The following SDK1 variants were observed in gnomAD, a reference collection of about 807,000 sequenced individuals.
The protein encoded by SDK1 is protein sidekick-1.
In SDK1, 157 loss-of-function variants were observed where a neutral mutation model predicts 245.5. The observed-to-expected ratio is 0.64, with a 90% confidence interval of 0.56 to 0.73. The LOEUF is 0.73. SDK1 is among the 30% of genes least tolerant of loss of function. The pLI is 0.00. For synonymous variants in SDK1, 1,647 were observed against 1,278.5 expected (o/e 1.29, Z -6.15); for missense variants, 3,583 against 3,002.3 (o/e 1.19, Z -4.52).
intron 19 of SDK1, among the ~76,000 whole-genome samples, chr7:4,060,324 A>C (rs1779457345): frequency 6.6e-6 from 1 of 152,234 alleles, no homozygotes; most frequent in African/African-American, 2.4e-5. Context: ...ATACACCTCA[A>C]GGACAAACCA....
chr7:3,912,040 G>T (rs998796893), intron 5 of SDK1, among the ~76,000 whole-genome samples: 2 of 152,134 alleles, frequency 1.3e-5, no homozygotes, highest in Non-Finnish European at 2.9e-5. Flanking sequence ...GGGCAAGGGG[G>T]CCCTGTTCAC....
At position 3,578,589 on chromosome 7, in the gene SDK1, C is replaced by T. The variant is rs185786355; in HGVS notation, c.299-40491C>T. 1.4e-3 allele frequency among the ~76,000 whole-genome samples: 217 copies of T among 152,014 alleles called. 1 individual carries two copies. Among genetic ancestry groups the T allele is most frequent in the Non-Finnish European group, 2.6e-3 (178 of 67,924 alleles). On this transcript the variant is annotated intron_variant, in intron 1 of 44. Coordinates refer to ENST00000404826, the MANE Select transcript of SDK1 (RefSeq NM_152744.4). ...CAGTCCTTATCTCAACCGCATAAGA[C>T]AGACACTCCCACAGCAGCCGTTTAT...
intron 5 of SDK1, among the ~76,000 whole-genome samples, chr7:3,855,652 G>A (rs1780527805): frequency 6.6e-6 from 1 of 152,222 alleles, no homozygotes; most frequent in Non-Finnish European, 1.5e-5. Context: ...GAATGTGGGG[G>A]AGGTAATGTA....
chr7:3,398,036 A>C (rs1778771536), intron 1 of SDK1, among the ~76,000 whole-genome samples: 1 of 152,070 alleles, frequency 6.6e-6, no homozygotes, highest in Non-Finnish European at 1.5e-5. Flanking sequence ...AGTAGTAAAT[A>C]GGTCTTCAGT....
At position 3,974,414 on chromosome 7, in the gene SDK1, G is replaced by A. The variant is rs375345968; in HGVS notation, c.1863G>A (p.Thr621=). 5.5e-5 allele frequency: 89 copies of A among 1,614,026 alleles called. No individual in the cohort carries two copies. The highest frequency in any genetic ancestry group is 8.8e-5 in the South Asian group (8 of 91,082). Residue 621 remains threonine, a synonymous_variant, in exon 13 of 45, where the codon ACG becomes ACA. Coordinates refer to ENST00000404826, the MANE Select transcript of SDK1 (RefSeq NM_152744.4). ...ACGTGGCCCTGACTCCATCGAGCACGTCTAGGATCGTGGTGGAGAAGGACG... is the reference window on the plus strand; with the variant it reads ...ACGTGGCCCTGACTCCATCGAGCACATCTAGGATCGTGGTGGAGAAGGACG... ...KDNVALTPSS[T]SRIVVEKDGS... is the part of the protein sequence containing the mutation.
chr7:3,691,454 C>T (rs146258551), intron 4 of SDK1, among the ~76,000 whole-genome samples: 101 of 152,294 alleles, frequency 6.6e-4, no homozygotes, highest in Middle Eastern at 6.8e-3. Context: ...TAGCACTTTG[C>T]TTCCGTTACA....
At position 4,268,705 on chromosome 7, in the gene SDK1, G is replaced by T. The variant is rs778688730; in HGVS notation, c.*3321G>T. 4 of 1,367,726 alleles carry T rather than the reference G, an allele frequency of 2.9e-6. No homozygotes were observed. The African/African-American group carries it at 5.9e-5, about 20-fold the overall frequency. The allele number at this position is 1,367,726 out of a possible 1,614,324, so 84.7% of individuals were successfully genotyped here. A position where few individuals can be genotyped will look rare whatever the true frequency, so the allele number is the denominator to read the frequency against. ...TAGCTATCCTCCTGACGAGCAACCC[G>T]TCTGCGTACCTAAGTGTGGCTCCCC... On this transcript the variant is annotated 3_prime_UTR_variant, in exon 45 of 45. Coordinates refer to ENST00000404826, the MANE Select transcript of SDK1 (RefSeq NM_152744.4).
chr7:3,713,553 A>T (rs1173989744), intron 4 of SDK1, among the ~76,000 whole-genome samples: 1 of 152,186 alleles, frequency 6.6e-6, no homozygotes, highest in African/African-American at 2.4e-5. Context: ...CCATTGAATT[A>T]GGCCTGGTCT....
At chr7:3,723,658 T>TTGTGTGTGTGTGTGTGTGTGTG (rs139688945) in intron 4 of SDK1, among the ~76,000 whole-genome samples, 1 of 134,112 alleles carries the variant, frequency 7.5e-6, no homozygotes, top group African/African-American at 3.0e-5. Flanking sequence ...TAAGTAAAAG[T>TTGTGTGTGTGTGTGTGTGTGTG]TGTGTGTGTG....
intron 1 of SDK1, among the ~76,000 whole-genome samples, chr7:3,598,314 T>C (rs139601789): frequency 0.012 from 1,762 of 152,342 alleles, 31 homozygotes; most frequent in South Asian, 0.068. Context: ...TTGCAAGATA[T>C]GCATTATCAG....
At chr7:3,486,086 T>G (rs1033519876) in intron 1 of SDK1, among the ~76,000 whole-genome samples, 5 of 152,022 alleles carry the variant, frequency 3.3e-5, no homozygotes, top group Non-Finnish European at 7.4e-5. Flanking sequence ...AGTGCTTTTT[T>G]CCCCCCTGAG....
At chr7:3,789,354 G>A (rs1781010749) in intron 4 of SDK1, among the ~76,000 whole-genome samples, 1 of 152,048 alleles carries the variant, frequency 6.6e-6, no homozygotes, top group African/African-American at 2.4e-5. Context: ...CTCCATGTTG[G>A]TCAGGCTGGT....
intron 12 of SDK1, among the ~76,000 whole-genome samples, chr7:3,973,681 G>A (rs1782667911): frequency 6.6e-6 from 1 of 151,984 alleles, no homozygotes; most frequent in Non-Finnish European, 1.5e-5. Flanking sequence ...TACCGGGGCA[G>A]GAATGTTGGG....
chr7:3,797,398 A>T (rs943165887), intron 4 of SDK1, among the ~76,000 whole-genome samples: 1 of 146,462 alleles, frequency 6.8e-6, no homozygotes, highest in Non-Finnish European at 1.5e-5. Context: ...ATATTTTCTT[A>T]TTTTTCTGTA....
chr7:4,063,372 T>G (rs1779665245), intron 19 of SDK1, among the ~76,000 whole-genome samples: 1 of 151,700 alleles, frequency 6.6e-6, no homozygotes, highest in Non-Finnish European at 1.5e-5. Context: ...GAAAAACATA[T>G]CTAGGAATTA....
rs534260327 is a variant in SDK1 at position 4,161,480 on chromosome 7, C to A, written c.4730-306C>A. ...AAGACCTGAGCCCTGCAGGGAGGGT[C>A]TCGAGCCAGAGAGCTCCAGGACAGC... is the stretch of plus-strand genomic sequence containing the variant. On this transcript the variant is annotated intron_variant, in intron 31 of 44. Coordinates refer to ENST00000404826, the MANE Select transcript of SDK1 (RefSeq NM_152744.4). Among the ~76,000 whole-genome samples, 3 of 152,272 alleles carry A rather than the reference C, an allele frequency of 2.0e-5. No homozygotes were observed. In the East Asian group the frequency reaches 5.8e-4, roughly 29 times the overall value.
chr7:4,177,504 C>G (rs1424926151), intron 34 of SDK1, among the ~76,000 whole-genome samples: 1 of 152,222 alleles, frequency 6.6e-6, no homozygotes, highest in Admixed American at 6.5e-5. Flanking sequence ...GTCTCAGAGG[C>G]CTTTGGTTAC....
chr7:4,168,744 G>A lies in SDK1; in HGVS notation c.4801-5478G>A, dbSNP rs189494908. Among the ~76,000 whole-genome samples the A allele has an allele frequency of 1.1e-3, 163 of 152,346 alleles. 1 individual carries two copies. The highest frequency in any genetic ancestry group is 3.3e-3 in the African/African-American group (137 of 41,574). On this transcript the variant is annotated intron_variant, in intron 32 of 44. Coordinates refer to ENST00000404826, the MANE Select transcript of SDK1 (RefSeq NM_152744.4). ...CAGGTCTATTCTGGGGCGAGAGGGA[G>A]GCTTTGAAGGTGACCTCAGGGCGAG...
intron 4 of SDK1, among the ~76,000 whole-genome samples, chr7:3,706,308 T>A (rs971487833): frequency 9.2e-5 from 14 of 152,222 alleles, no homozygotes; most frequent in East Asian, 3.9e-4. Context: ...ATTCCCTCTT[T>A]CTCAGTCTTT....
Sources: gnomAD v4.1 joint callset for allele counts (sites outside exome capture counted in the v4.1 genomes callset) on GRCh38, gnomAD v4.1.1 for gene constraint, MANE v1.5 for transcripts, NCBI Gene and HGNC (gene_info 2026-07-23, HGNC 2026-07-21) for gene names.